Variants in LRRC7 observed in about 807,000 individuals in gnomAD.
LRRC7 encodes the protein leucine rich repeat containing 7.
A neutral mutation model predicts 175.7 loss-of-function variants in LRRC7; 23 were observed. The observed-to-expected ratio is 0.13, with a 90% CI of 0.09 to 0.19. The LOEUF (loss-of-function observed/expected upper bound fraction) is 0.19, where lower values mean the gene tolerates loss of function less well. Ranked by LOEUF, LRRC7 falls within the 10% of genes least tolerant of loss-of-function variation. LRRC7 has a pLI of 1.00. For missense variants in LRRC7, 1,354 were observed against 1,904.7 expected (o/e 0.71, Z 5.38); for synonymous variants, 685 against 680.9 (o/e 1.01, Z -0.09).
intron 17 of LRRC7, among the ~76,000 whole-genome samples, chr1:70,027,008 T>TG (rs1163514374): frequency 6.6e-6 from 1 of 152,100 alleles, no homozygotes; most frequent in African/African-American, 2.4e-5. Flanking sequence ...CATGGGTGTG[T>TG]GGGGGTGGGT....
chr1:69,778,225 A>G (rs914133681), intron 3 of LRRC7, among the ~76,000 whole-genome samples: 1 of 152,080 alleles, frequency 6.6e-6, no homozygotes, highest in Admixed American at 6.6e-5. Context: ...CATGTATACA[A>G]TTCCATAGTT....
intron 7 of LRRC7, among the ~76,000 whole-genome samples, chr1:69,854,278 A>G (rs893431725): frequency 2.6e-5 from 4 of 152,124 alleles, no homozygotes; most frequent in African/African-American, 9.7e-5. Flanking sequence ...TGGGAAGATC[A>G]CTTCAGGTCA....
intron 17 of LRRC7, among the ~76,000 whole-genome samples, chr1:70,026,714 G>A (rs1658144557): frequency 6.6e-6 from 1 of 151,888 alleles, no homozygotes; most frequent in African/African-American, 2.4e-5. Flanking sequence ...CATTTAAACA[G>A]CACTTACATT....
In LRRC7 at chr1:70,136,071, G is replaced by A. The variant is rs1389084409; in HGVS notation, c.*14184G>A. On this transcript the variant is annotated 3_prime_UTR_variant, in exon 27 of 27. Coordinates refer to ENST00000651989, the MANE Select transcript of LRRC7 (RefSeq NM_001370785.2). ...TCTCTCTCTGTGTGTGTCTGTGTGT[G>A]TGTCTGTGTGTGTGTGTGTGTGTGT... Among the ~76,000 whole-genome samples, 1 of 14,996 alleles carries A rather than the reference G, an allele frequency of 6.7e-5. No individual in the cohort carries two copies. The highest frequency in any genetic ancestry group is 3.2e-4 in the African/African-American group (1 of 3,124). The allele number at this position is 14,996 out of a possible 152,430, so 9.8% of individuals were successfully genotyped here. A position where few individuals can be genotyped will look rare whatever the true frequency, so the allele number is the denominator to read the frequency against.
chr1:69,646,271 A>T (rs1043495379), intron 1 of LRRC7, among the ~76,000 whole-genome samples: 3 of 152,200 alleles, frequency 2.0e-5, no homozygotes, highest in Admixed American at 2.0e-4. Context: ...GGGATATTTT[A>T]AATAGATATG....
At chr1:69,804,417 T>C (rs1676878204) in intron 4 of LRRC7, among the ~76,000 whole-genome samples, 1 of 151,466 alleles carries the variant, frequency 6.6e-6, no homozygotes, top group Non-Finnish European at 1.5e-5. Flanking sequence ...ATTTACCTTC[T>C]TGGAACATTA....
At chr1:69,862,593 A>C (rs1205480599) in intron 7 of LRRC7, among the ~76,000 whole-genome samples, 1 of 152,192 alleles carries the variant, frequency 6.6e-6, no homozygotes, top group Non-Finnish European at 1.5e-5. Flanking sequence ...GAATAGCTGG[A>C]AGTATTTGGA....
chr1:69,665,204 A>T (rs1028847376), intron 1 of LRRC7, among the ~76,000 whole-genome samples: 1 of 152,124 alleles, frequency 6.6e-6, no homozygotes, highest in Non-Finnish European at 1.5e-5. Flanking sequence ...TTTGTTTACT[A>T]TAGCTCTGTA....
chr1:70,054,269 A>C (rs1214009274), intron 23 of LRRC7, among the ~76,000 whole-genome samples: 1 of 152,218 alleles, frequency 6.6e-6, no homozygotes, highest in African/African-American at 2.4e-5. Flanking sequence ...AAGCAATAAA[A>C]ATTAGTAAAC....
intron 2 of LRRC7, among the ~76,000 whole-genome samples, chr1:69,744,120 G>A (rs1669010299): frequency 6.6e-6 from 1 of 151,564 alleles, no homozygotes; most frequent in South Asian, 2.1e-4. Context: ...TATGATTGGG[G>A]AAAATATATT....
chr1:69,925,778 G>T (rs1270670752), intron 7 of LRRC7, among the ~76,000 whole-genome samples: 1 of 150,292 alleles, frequency 6.7e-6, no homozygotes, highest in African/African-American at 2.5e-5. Flanking sequence ...TTTTTGAAGG[G>T]TTTTTTTGTG....
At position 70,119,309 on chromosome 1, in the gene LRRC7, G is replaced by A. The variant is rs555879475; in HGVS notation, c.4621-2471G>A. Among the ~76,000 whole-genome samples the A allele has an allele frequency of 8.6e-4, 131 of 151,960 alleles. No individual in the cohort carries two copies. The South Asian group carries it at 9.6e-3, about 11-fold the overall frequency. On this transcript the variant is annotated intron_variant, in intron 26 of 26. Coordinates refer to ENST00000651989, the MANE Select transcript of LRRC7 (RefSeq NM_001370785.2). ...TGAACTACTCCAGCACTTTATTTCC[G>A]TCTTCAGATATTAATTCAATTCAGC...
rs866224008 is a variant in LRRC7 at position 69,882,848 on chromosome 1, G to C, written c.647+44565G>C. Among the ~76,000 whole-genome samples the C allele has an allele frequency of 4.0e-3, 588 of 146,928 alleles. 4 individuals are homozygous for C. Among genetic ancestry groups the C allele is most frequent in the African/African-American group, 0.013 (509 of 39,600 alleles). Reference sequence around the variant, plus strand: ...CTCATTGCTCAATTCCCACCTATGAGTGAGAATATGCGGTGTTTGGTTTTT... The same window carrying C: ...CTCATTGCTCAATTCCCACCTATGACTGAGAATATGCGGTGTTTGGTTTTT... On this transcript the variant is annotated intron_variant, in intron 7 of 26. Transcript: ENST00000651989.
intron 7 of LRRC7, among the ~76,000 whole-genome samples, chr1:69,885,537 A>C: frequency 7.2e-6 from 1 of 138,770 alleles, no homozygotes; most frequent in African/African-American, 3.0e-5. Context: ...CTAGCAGTCT[A>C]TCAGTTTTGT....
intron 23 of LRRC7, among the ~76,000 whole-genome samples, chr1:70,056,097 G>A (rs1661128530): frequency 1.3e-5 from 2 of 152,086 alleles, no homozygotes; most frequent in African/African-American, 4.8e-5. Flanking sequence ...TAGCTTTAAG[G>A]CATCCGAGTG....
intron 18 of LRRC7, chr1:70,031,359 T>G (rs1021528319): frequency 2.0e-5 from 3 of 152,316 alleles, no homozygotes; most frequent in South Asian, 4.1e-4. Context: ...ATTTCTGAGT[T>G]TTTTTGAATT....
At chr1:69,701,133 G>A (rs1235465250) in intron 2 of LRRC7, among the ~76,000 whole-genome samples, 1 of 152,032 alleles carries the variant, frequency 6.6e-6, no homozygotes, top group Non-Finnish European at 1.5e-5. Flanking sequence ...TGGATGAAAG[G>A]TACAGACCAA....
intron 24 of LRRC7, among the ~76,000 whole-genome samples, chr1:70,077,127 C>G (rs898511436): frequency 6.6e-6 from 1 of 152,146 alleles, no homozygotes; most frequent in Non-Finnish European, 1.5e-5. Flanking sequence ...TTTCATATCA[C>G]CCCACCTGAC....
At chr1:69,899,977 A>G (rs1372030782) in intron 7 of LRRC7, among the ~76,000 whole-genome samples, 2 of 152,220 alleles carry the variant, frequency 1.3e-5, no homozygotes, top group Non-Finnish European at 1.5e-5. Context: ...CAAACAGACT[A>G]AATAGCTTTG....
Sources: gnomAD v4.1 joint callset for allele counts (sites outside exome capture counted in the v4.1 genomes callset) on GRCh38, gnomAD v4.1.1 for gene constraint, MANE v1.5 for transcripts, NCBI Gene and HGNC (gene_info 2026-07-23, HGNC 2026-07-21) for gene names.